PTPRM: variants seen among roughly 807,000 people sequenced by gnomAD.
PTPRM encodes protein tyrosine phosphatase receptor type M, also known as receptor-type tyrosine-protein phosphatase mu.
PTPRM carries 47 observed loss-of-function variants against 186.7 expected under a neutral mutation model. That is an observed-to-expected ratio of 0.25 (90% CI 0.20 to 0.32). The LOEUF (loss-of-function observed/expected upper bound fraction) is 0.32, where lower values mean the gene tolerates loss of function less well. Among genes scored for constraint, PTPRM ranks in the 10% least tolerant of loss-of-function variants. PTPRM has a pLI of 1.00. For synonymous variants in PTPRM, 668 were observed against 674.9 expected (o/e 0.99, Z 0.16); for missense variants, 1,494 against 1,865.0 (o/e 0.80, Z 3.66).
intron 14 of PTPRM, among the ~76,000 whole-genome samples, chr18:8,144,892 A>AT (rs1235159309): frequency 6.6e-6 from 1 of 152,192 alleles, no homozygotes; most frequent in African/African-American, 2.4e-5. Flanking sequence ...GTAGTCATGC[A>AT]TTGAGAGTGA....
intron 4 of PTPRM, among the ~76,000 whole-genome samples, chr18:7,919,882 G>C (rs893585943): frequency 6.6e-6 from 1 of 152,000 alleles, no homozygotes; most frequent in Non-Finnish European, 1.5e-5. Context: ...CTGGTGTTGG[G>C]TGTATAATAT....
At chr18:8,356,609 A>G (rs1164250018) in intron 23 of PTPRM, among the ~76,000 whole-genome samples, 2 of 152,180 alleles carry the variant, frequency 1.3e-5, no homozygotes, top group Non-Finnish European at 2.9e-5. Flanking sequence ...GGAAGTAGCT[A>G]TTTTAGGGAT....
chr18:8,203,964 A>G, intron 14 of PTPRM, among the ~76,000 whole-genome samples: 1 of 152,226 alleles, frequency 6.6e-6, no homozygotes, highest in Non-Finnish European at 1.5e-5. Flanking sequence ...ACATCGTAAC[A>G]GTACACCCAG....
intron 1 of PTPRM, among the ~76,000 whole-genome samples, chr18:7,607,517 G>A (rs576287683): frequency 4.1e-4 from 62 of 152,268 alleles, no homozygotes; most frequent in African/African-American, 1.4e-3. Context: ...GACACCACAG[G>A]CCTTCTTGTG....
intron 14 of PTPRM, among the ~76,000 whole-genome samples, chr18:8,238,163 AAT>A (rs1290523287): frequency 1.3e-5 from 2 of 152,146 alleles, no homozygotes; most frequent in Non-Finnish European, 2.9e-5. Context: ...AGTTTTAGGA[AAT>A]AGTTATTATT....
At chr18:8,118,760 A>G (rs1332349420) in intron 13 of PTPRM, among the ~76,000 whole-genome samples, 1 of 149,192 alleles carries the variant, frequency 6.7e-6, no homozygotes, top group East Asian at 2.0e-4. Flanking sequence ...AGATTGCACC[A>G]TTGCATTCCA....
In PTPRM at chr18:8,113,708, C is replaced by A. The variant is rs947641629; in HGVS notation, c.2079C>A (p.Leu693=). Residue 693 remains leucine (L), a synonymous_variant, in exon 12 of 33, where the codon CTC becomes CTA. Transcript: ENST00000580170. ...ATGGATACTGGAACACTCCCCTTCT[C>A]CCCTATAAAAGCTACAGAATTTATT... ...TYNGYWNTPL[L]PYKSYRIYFQ... The A allele has an allele frequency of 6.2e-7, 1 of 1,613,814 alleles. No homozygotes were observed. Among genetic ancestry groups the A allele is most frequent in the Non-Finnish European group, 8.5e-7 (1 of 1,179,758 alleles).
chr18:7,684,093 C>G (rs188278642), intron 1 of PTPRM, among the ~76,000 whole-genome samples: 1 of 152,180 alleles, frequency 6.6e-6, no homozygotes, highest in African/African-American at 2.4e-5. Context: ...TGAGAACAGC[C>G]TCAGTGATTA....
At chr18:7,983,268 C>T (rs541612058) in intron 7 of PTPRM, among the ~76,000 whole-genome samples, 3 of 151,844 alleles carry the variant, frequency 2.0e-5, no homozygotes, top group Non-Finnish European at 2.9e-5. Flanking sequence ...ACTGTGCATG[C>T]GAGGGATCTA....
intron 19 of PTPRM, among the ~76,000 whole-genome samples, chr18:8,289,292 G>A (rs2094994822): frequency 6.6e-6 from 1 of 151,486 alleles, no homozygotes; most frequent in South Asian, 2.1e-4. Flanking sequence ...AAAGGCACTT[G>A]TAAAATCCCT....
intron 1 of PTPRM, among the ~76,000 whole-genome samples, chr18:7,656,605 A>G (rs569898996): frequency 6.6e-6 from 1 of 152,216 alleles, no homozygotes; most frequent in Admixed American, 6.5e-5. Context: ...TTGCCAGAAA[A>G]GTTCAGTGGT....
intron 19 of PTPRM, among the ~76,000 whole-genome samples, chr18:8,290,206 T>G (rs2147832920): frequency 6.6e-6 from 1 of 152,326 alleles, no homozygotes; most frequent in East Asian, 1.9e-4. Flanking sequence ...TGAGTTCATC[T>G]TCCTTCTTTC....
Position 8,184,845 on chromosome 18 carries a change from C to T in PTPRM, c.2300+41066C>T, listed in dbSNP as rs867572018. The stretch of plus-strand genomic sequence containing the variant: ...GTTAGTAAAGAGTGCTGAGTGAGAG[C>T]GTCCCTTTGTCCTAGTCCTCTGGTC... On this transcript the variant is annotated intron_variant, in intron 14 of 32. Transcript: ENST00000580170. Among the ~76,000 whole-genome samples the T allele has an allele frequency of 9.2e-5, 14 of 152,212 alleles. 1 individual carries two copies. The Middle Eastern group carries it at 0.01, about 111-fold the overall frequency.
chr18:8,204,900 A>G (rs2093907525), intron 14 of PTPRM, among the ~76,000 whole-genome samples: 1 of 152,052 alleles, frequency 6.6e-6, no homozygotes, highest in African/African-American at 2.4e-5. Flanking sequence ...GTGTGGAAAG[A>G]GTTTGGGCTA....
intron 19 of PTPRM, among the ~76,000 whole-genome samples, chr18:8,268,507 G>C (rs1263190250): frequency 6.6e-6 from 1 of 152,010 alleles, no homozygotes; most frequent in African/African-American, 2.4e-5. Flanking sequence ...ATTTAAAGAA[G>C]AATTAAGGCT....
intron 23 of PTPRM, among the ~76,000 whole-genome samples, chr18:8,346,943 T>C (rs1213274130): frequency 6.6e-6 from 1 of 152,190 alleles, no homozygotes; most frequent in African/African-American, 2.4e-5. Context: ...TACCTCGCCA[T>C]AGTGTCACGG....
intron 30 of PTPRM, among the ~76,000 whole-genome samples, chr18:8,386,772 A>C (rs111327160): frequency 1.3e-5 from 2 of 152,184 alleles, no homozygotes; most frequent in African/African-American, 4.8e-5. Flanking sequence ...ACCACTTAAC[A>C]TGACAATGTG....
chr18:7,748,862 C>T (rs1054264295), intron 1 of PTPRM, among the ~76,000 whole-genome samples: 14 of 152,160 alleles, frequency 9.2e-5, no homozygotes, highest in African/African-American at 3.1e-4. Context: ...TAAGGAACTC[C>T]CCCACCCCAG....
intron 19 of PTPRM, among the ~76,000 whole-genome samples, chr18:8,262,007 G>T (rs533525643): frequency 4.0e-4 from 55 of 137,772 alleles, no homozygotes; most frequent in Admixed American, 1.8e-3. Context: ...CGGACCTTAT[G>T]TGTGTCTGGT....
Sources: allele counts gnomAD v4.1 joint callset (sites outside exome capture counted in the v4.1 genomes callset), GRCh38; gene constraint gnomAD v4.1.1; transcripts MANE v1.5; gene names NCBI Gene and HGNC (gene_info 2026-07-23, HGNC 2026-07-21).